Variants in RCC1L observed in about 807,000 individuals in gnomAD.
The protein encoded by RCC1L is RCC1 like, also known as RCC1-like G exchanging factor-like protein.
In RCC1L, 46 loss-of-function variants were observed where a neutral mutation model predicts 58.6. That is an observed-to-expected ratio of 0.79 (90% CI 0.62 to 1.00). The LOEUF is 1.00. Ranked by LOEUF, RCC1L falls within the 50% of genes least tolerant of loss-of-function variation. The pLI, the probability that RCC1L is intolerant of heterozygous loss-of-function variation, is 0.00. For synonymous variants in RCC1L, 281 were observed against 262.9 expected (o/e 1.07, Z -0.67); for missense variants, 636 against 623.6 (o/e 1.02, Z -0.21).
intron 9 of RCC1L, 113 bp from the exon 10 acceptor site, chr7:75,052,909 T>A: frequency 9.9e-7 from 1 of 1,006,340 alleles, no homozygotes; most frequent in Non-Finnish European, 1.5e-6. Context: ...CAGAGCCCAC[T>A]GTTCAGCTTT....
downstream of RCC1L, among the ~76,000 whole-genome samples, chr7:75,039,706 C>A (rs1193258375): frequency 6.6e-6 from 1 of 152,074 alleles, no homozygotes; most frequent in Non-Finnish European, 1.5e-5. Context: ...GTTACTGACC[C>A]CATCAGAGAG....
intron 10 of RCC1L, among the ~76,000 whole-genome samples, chr7:75,035,586 C>T (rs1337384645): frequency 6.6e-6 from 1 of 152,052 alleles, no homozygotes; most frequent in Non-Finnish European, 1.5e-5. Context: ...AGAAACAAAA[C>T]GCTGGGCCAA....
At chr7:75,056,340 G>A (rs1204036619) in intron 8 of RCC1L, among the ~76,000 whole-genome samples, 1 of 152,116 alleles carries the variant, frequency 6.6e-6, no homozygotes, top group East Asian at 1.9e-4. Flanking sequence ...CACATCTTGA[G>A]GGTTAGTAAC....
intron 10 of RCC1L, among the ~76,000 whole-genome samples, chr7:75,047,670 C>CA (rs1402906758): frequency 5.8e-4 from 87 of 151,250 alleles, no homozygotes; most frequent in Non-Finnish European, 1.2e-3. Context: ...TTTTTGGAGA[C>CA]AGAGTATCAC....
chr7:75,056,692 G>C (rs1554443989), intron 8 of RCC1L: 2 of 1,535,336 alleles, frequency 1.3e-6, no homozygotes, highest in Admixed American at 2.0e-5. Context: ...CCAGAGGTTT[G>C]CTCTAGGATG....
chr7:75,031,529 C>T (rs1255766817), intron 10 of RCC1L, among the ~76,000 whole-genome samples: 3 of 145,774 alleles, frequency 2.1e-5, no homozygotes, highest in African/African-American at 5.0e-5. Context: ...AAAAAAAAAA[C>T]GATGCTGGCT....
intron 10 of RCC1L, among the ~76,000 whole-genome samples, chr7:75,031,374 C>G (rs987324400): frequency 1.3e-5 from 2 of 152,196 alleles, no homozygotes; most frequent in Admixed American, 6.5e-5. Context: ...TCCCTACCCC[C>G]CCGGGGCCCT....
At chr7:75,035,062 G>T (rs1207977859) in intron 10 of RCC1L, among the ~76,000 whole-genome samples, 2 of 151,760 alleles carry the variant, frequency 1.3e-5, no homozygotes, top group African/African-American at 4.8e-5. Flanking sequence ...ATGGAGTCTC[G>T]CTCTGTCACC....
At position 75,072,869 on chromosome 7, in the gene RCC1L, G is replaced by A. The variant is rs74721980; in HGVS notation, c.324+545C>T. ...GCAGGACGATCTCTTGAGCCCAGGA[G>A]GTCGAGGCTGCAGTGAGCTATGATG... On this transcript the variant is annotated intron_variant, in intron 1 of 10. Transcript: ENST00000610322. 3.1e-3 allele frequency among the ~76,000 whole-genome samples: 476 copies of A among 152,264 alleles called. 9 individuals carry two copies. In the East Asian group the frequency reaches 0.037, roughly 12 times the overall value.
At chr7:75,038,345 C>T (rs1460571302), downstream of RCC1L, among the ~76,000 whole-genome samples, 2 of 151,764 alleles carry the variant, frequency 1.3e-5, no homozygotes, top group East Asian at 1.9e-4. Context: ...TCCGCCTCCC[C>T]AGTTCAAGCA....
chr7:75,060,157 T>A (rs1806226560), intron 6 of RCC1L, among the ~76,000 whole-genome samples: 1 of 152,240 alleles, frequency 6.6e-6, no homozygotes, highest in African/African-American at 2.4e-5. Context: ...CTTCTTTTAA[T>A]CAGTATCATG....
chr7:75,064,005 A>G (rs1806367389), intron 4 of RCC1L, among the ~76,000 whole-genome samples: 1 of 152,176 alleles, frequency 6.6e-6, no homozygotes. Context: ...TTAAAAATCA[A>G]TTTGGTAAAA....
At chr7:75,058,264 T>C in intron 7 of RCC1L, 1 of 327,222 alleles carries the variant, frequency 3.1e-6, no homozygotes, top group Admixed American at 4.7e-5. Context: ...CGAGACAGAG[T>C]CTTGCTCTGT....
intron 1 of RCC1L, among the ~76,000 whole-genome samples, chr7:75,072,566 C>CA (rs1806804032): frequency 6.6e-6 from 1 of 152,162 alleles, no homozygotes; most frequent in African/African-American, 2.4e-5. Flanking sequence ...GTGACAACCC[C>CA]AAGGTCTTTG....
chr7:75,049,050 C>T (rs1805829553), intron 10 of RCC1L, among the ~76,000 whole-genome samples: 1 of 152,190 alleles, frequency 6.6e-6, no homozygotes, highest in South Asian at 2.1e-4. Context: ...CCCACATACT[C>T]AGAAAAGGCC....
In RCC1L at chr7:75,073,566, C is replaced by A; in HGVS notation, c.172G>T (p.Ala58Ser). Residue 58 changes from alanine (A) to serine (S), a missense_variant, in exon 1 of 11, where the codon GCC (alanine) becomes TCC (serine). Ala to Ser is a moderately conservative substitution (Grantham distance 99). Coordinates refer to ENST00000610322, the MANE Select transcript of RCC1L (RefSeq NM_030798.5). The stretch of plus-strand genomic sequence containing the variant: ...AAGCCCCACACGAAGACGCGATCGG[C>A]GCGGGCAGCGCGCTCGCCCACGTAC... ...VQYVGERAAR[A>S]DRVFVWGFSF... 2.0e-6 allele frequency: 3 copies of A among 1,509,140 alleles called. No individual in the cohort carries two copies. The highest frequency in any genetic ancestry group is 2.6e-6 in the Non-Finnish European group (3 of 1,138,090). 93.5% of individuals were successfully genotyped at this position (1,509,140 alleles called of 1,614,324 possible). A position where few individuals can be genotyped will look rare whatever the true frequency, so the allele number is the denominator to read the frequency against.
Position 75,056,249 on chromosome 7 carries a change from T to C in RCC1L, c.1058-175A>G, listed in dbSNP as rs942140712. ...AGAACATGCAGACAGAGATTTAGAA[T>C]AATAATTCTCTCTCCCCTGCTTAAA... On this transcript the variant is annotated intron_variant, in intron 8 of 10. Transcript: ENST00000610322. 1.1e-4 allele frequency among the ~76,000 whole-genome samples: 17 copies of C among 152,124 alleles called. No individual in the cohort carries two copies. In the East Asian group the frequency reaches 3.1e-3, roughly 28 times the overall value.
At chr7:75,058,524 C>T in intron 7 of RCC1L, 64 bp downstream of exon 7, 3 of 1,546,130 alleles carry the variant, frequency 1.9e-6, no homozygotes, top group African/African-American at 2.7e-5. Context: ...AGCCACCACA[C>T]CCGGCCCCTT....
chr7:75,059,642 C>A (rs938163538), intron 6 of RCC1L, among the ~76,000 whole-genome samples: 2 of 151,948 alleles, frequency 1.3e-5, no homozygotes, highest in Non-Finnish European at 2.9e-5. Flanking sequence ...AACTCCTGGG[C>A]TCAAGCAATC....
Sources: allele counts gnomAD v4.1 joint callset (sites outside exome capture counted in the v4.1 genomes callset), GRCh38; gene constraint gnomAD v4.1.1; transcripts MANE v1.5; gene names NCBI Gene and HGNC (gene_info 2026-07-23, HGNC 2026-07-21).